Variants in RASGRF2 observed in about 807,000 individuals in gnomAD.
RASGRF2 encodes the protein Ras protein specific guanine nucleotide releasing factor 2, also known as ras-specific guanine nucleotide-releasing factor 2.
Under a neutral mutation model 151.0 loss-of-function variants are expected in RASGRF2, and 76 were observed. The ratio of observed to expected loss-of-function variants is 0.50; its 90% CI spans 0.42 to 0.61. The LOEUF (loss-of-function observed/expected upper bound fraction) is 0.61. Among genes scored for constraint, RASGRF2 ranks in the 20% least tolerant of loss-of-function variants. The pLI is 0.00. For missense variants in RASGRF2, 1,148 were observed against 1,564.6 expected (o/e 0.73, Z 4.49); for synonymous variants, 504 against 566.5 (o/e 0.89, Z 1.57).
intron 18 of RASGRF2, 142 bp from the exon 19 acceptor site, chr5:81,201,187 AG>A (rs889545749): frequency 3.6e-5 from 47 of 1,300,234 alleles, no homozygotes; most frequent in Non-Finnish European, 4.5e-5. Flanking sequence ...TCGGGACCCT[AG>A]GTGTGGCAGG....
intron 17 of RASGRF2, among the ~76,000 whole-genome samples, chr5:81,138,232 G>C (rs892960503): frequency 3.3e-5 from 5 of 152,096 alleles, no homozygotes; most frequent in African/African-American, 1.2e-4. Context: ...CTGGCATCTT[G>C]AAGCTGTGAC....
At chr5:81,020,866 C>T (rs1477152860) in intron 1 of RASGRF2, among the ~76,000 whole-genome samples, 4 of 152,220 alleles carry the variant, frequency 2.6e-5, no homozygotes, top group African/African-American at 9.7e-5. Context: ...CAGCTGCACT[C>T]AGTCCTACGA....
intron 18 of RASGRF2, among the ~76,000 whole-genome samples, chr5:81,185,922 C>T (rs1304271546): frequency 6.6e-6 from 1 of 152,124 alleles, no homozygotes; most frequent in Non-Finnish European, 1.5e-5. Flanking sequence ...AACTCCATGT[C>T]AGGTGGGGAA....
At chr5:81,084,320 TTTA>T (rs1752166688) in intron 7 of RASGRF2, among the ~76,000 whole-genome samples, 1 of 152,194 alleles carries the variant, frequency 6.6e-6, no homozygotes, top group Admixed American at 6.5e-5. Flanking sequence ...GAGGCAAACT[TTTA>T]TCAGTCATGC....
intron 22 of RASGRF2, among the ~76,000 whole-genome samples, chr5:81,211,756 T>C (rs1755635047): frequency 6.6e-6 from 1 of 152,238 alleles, no homozygotes; most frequent in South Asian, 2.1e-4. Flanking sequence ...CTTCTTAAAC[T>C]GGCTTTAAGT....
At chr5:81,090,096 A>G (rs1232435519) in intron 9 of RASGRF2, among the ~76,000 whole-genome samples, 1 of 152,198 alleles carries the variant, frequency 6.6e-6, no homozygotes, top group Non-Finnish European at 1.5e-5. Flanking sequence ...CCTTTCTGGT[A>G]TTTTAATCAT....
At chr5:81,064,450 C>G (rs1751535457) in intron 2 of RASGRF2, among the ~76,000 whole-genome samples, 2 of 152,316 alleles carry the variant, frequency 1.3e-5, no homozygotes, top group South Asian at 4.1e-4. Context: ...CACTTAAGTC[C>G]AGCTCACACT....
chr5:81,192,584 G>A (rs755831645), intron 18 of RASGRF2, among the ~76,000 whole-genome samples: 2 of 152,198 alleles, frequency 1.3e-5, no homozygotes, highest in Non-Finnish European at 2.9e-5. Flanking sequence ...CAAGGCGAGC[G>A]GGTCCCCTGC....
intron 9 of RASGRF2, among the ~76,000 whole-genome samples, chr5:81,089,614 A>G (rs888094757): frequency 1.3e-5 from 2 of 152,234 alleles, no homozygotes; most frequent in African/African-American, 4.8e-5. Context: ...TCTAAAATCT[A>G]TTAATAGTTT....
Position 81,229,049 on chromosome 5 carries a change from C to G in RASGRF2, c.*3279C>G, listed in dbSNP as rs976303014. 6.6e-6 allele frequency: 1 copy of G among 152,046 alleles called. No homozygotes were observed. The highest frequency in any genetic ancestry group is 2.4e-5 in the African/African-American group (1 of 41,408). The allele number at this position is 152,046 out of a possible 1,614,324, so 9.4% of individuals were successfully genotyped here. A position where few individuals can be genotyped will look rare whatever the true frequency, so the allele number is the denominator to read the frequency against. On this transcript the variant is annotated 3_prime_UTR_variant, in exon 27 of 27. Coordinates refer to ENST00000265080, the MANE Select transcript of RASGRF2 (RefSeq NM_006909.3). ...GTATAAGACGAGACTTTTGGGCCAGCAGCGATTGGGCAGCTTTTAAATTCT... is the reference window on the plus strand; with the variant it reads ...GTATAAGACGAGACTTTTGGGCCAGGAGCGATTGGGCAGCTTTTAAATTCT...
In RASGRF2 at chr5:81,225,860, G is replaced by C. The variant is rs573679434; in HGVS notation, c.*90G>C. 3.0e-6 allele frequency: 4 copies of C among 1,336,384 alleles called. No individual in the cohort carries two copies. The highest frequency in any genetic ancestry group is 4.0e-6 in the Non-Finnish European group (4 of 998,222). 82.8% of individuals were successfully genotyped at this position (1,336,384 alleles called of 1,614,324 possible). A position where few individuals can be genotyped will look rare whatever the true frequency, so the allele number is the denominator to read the frequency against. ...TGCCTTGCCTATCACGGTACAGCAC[G>C]AAGCCAGGCTCCTTTCTCCACCAAA... is the stretch of plus-strand genomic sequence containing the variant. On this transcript the variant is annotated 3_prime_UTR_variant, in exon 27 of 27. Coordinates refer to ENST00000265080, the MANE Select transcript of RASGRF2 (RefSeq NM_006909.3).
At chr5:81,130,848 T>C (rs376949675) in intron 17 of RASGRF2, among the ~76,000 whole-genome samples, 4 of 152,148 alleles carry the variant, frequency 2.6e-5, no homozygotes, top group South Asian at 4.1e-4. Context: ...GTGATACAGA[T>C]AGACTTGGGG....
intron 2 of RASGRF2, among the ~76,000 whole-genome samples, chr5:81,052,099 G>A (rs996538883): frequency 5.3e-5 from 8 of 152,114 alleles, no homozygotes; most frequent in African/African-American, 1.9e-4. Flanking sequence ...AATTTTCTGT[G>A]ATGATAAAGA....
chr5:81,218,823 T>A (rs913191095), intron 25 of RASGRF2, among the ~76,000 whole-genome samples: 1 of 152,188 alleles, frequency 6.6e-6, no homozygotes, highest in African/African-American at 2.4e-5. Flanking sequence ...ATTCTACCCA[T>A]CCATGAGCAT....
intron 5 of RASGRF2, among the ~76,000 whole-genome samples, chr5:81,078,807 A>G (rs1410289049): frequency 6.6e-6 from 1 of 152,198 alleles, no homozygotes; most frequent in East Asian, 1.9e-4. Context: ...TCCCTCGCTG[A>G]GTGGAGGGAA....
At chr5:81,098,040 G>A (rs1186784910) in intron 12 of RASGRF2, among the ~76,000 whole-genome samples, 1 of 152,224 alleles carries the variant, frequency 6.6e-6, no homozygotes, top group Non-Finnish European at 1.5e-5. Context: ...GGCGAGAGAT[G>A]TTGAGAGCCT....
In RASGRF2 at chr5:81,229,764, C is replaced by G. The variant is rs1170597525; in HGVS notation, c.*3994C>G. ...CTAGGCCCAGTCTCCAACTGGAAAA[C>G]CTTAGGCTGGTGTTTACACATCCCT... On this transcript the variant is annotated 3_prime_UTR_variant, in exon 27 of 27. Coordinates refer to ENST00000265080, the MANE Select transcript of RASGRF2 (RefSeq NM_006909.3). The G allele has an allele frequency of 6.6e-6, 1 of 152,226 alleles. No individual in the cohort carries two copies. The highest frequency in any genetic ancestry group is 1.5e-5 in the Non-Finnish European group (1 of 68,058). The allele number at this position is 152,226 out of a possible 1,614,324, so 9.4% of individuals were successfully genotyped here. A position where few individuals can be genotyped will look rare whatever the true frequency, so the allele number is the denominator to read the frequency against.
At position 81,194,315 on chromosome 5, in the gene RASGRF2, C is replaced by G. The variant is rs528027449; in HGVS notation, c.2794-7015C>G. Reference sequence around the variant, plus strand: ...AAGACTGCAGTGAGCCATGATCACACCATTGCACTCCAGCCTGGGTGACAG... The same window carrying G: ...AAGACTGCAGTGAGCCATGATCACAGCATTGCACTCCAGCCTGGGTGACAG... On this transcript the variant is annotated intron_variant, in intron 18 of 26. Coordinates refer to ENST00000265080, the MANE Select transcript of RASGRF2 (RefSeq NM_006909.3). Among the ~76,000 whole-genome samples, 56 of 152,170 alleles carry G rather than the reference C, an allele frequency of 3.7e-4. 1 individual carries two copies. The highest frequency in any genetic ancestry group is 7.7e-4 in the East Asian group (4 of 5,184).
chr5:81,026,578 A>C (rs1580220627), intron 1 of RASGRF2, among the ~76,000 whole-genome samples: 1 of 152,354 alleles, frequency 6.6e-6, no homozygotes, highest in Non-Finnish European at 1.5e-5. Flanking sequence ...AGAAGGCAGA[A>C]TAGTGAATGG....
Sources: gnomAD v4.1 joint callset for allele counts (sites outside exome capture counted in the v4.1 genomes callset) on GRCh38, gnomAD v4.1.1 for gene constraint, MANE v1.5 for transcripts, NCBI Gene and HGNC (gene_info 2026-07-23, HGNC 2026-07-21) for gene names.